The following THSD7B variants were observed in gnomAD, a reference collection of about 807,000 sequenced individuals.
The protein encoded by THSD7B is thrombospondin type 1 domain containing 7B, also known as thrombospondin type-1 domain-containing protein 7B.
A neutral mutation model predicts 213.6 loss-of-function variants in THSD7B; 138 were observed. The ratio of observed to expected loss-of-function variants is 0.65; its 90% CI spans 0.56 to 0.74. THSD7B has a LOEUF of 0.74. THSD7B is among the 30% of genes least tolerant of loss of function. THSD7B has a pLI of 0.00. For missense variants in THSD7B, 1,931 were observed against 1,991.5 expected, an observed-to-expected ratio of 0.97 and a Z score of 0.58; for synonymous variants, 742 against 687.0, an observed-to-expected ratio of 1.08 and a Z score of -1.25.
chr2:137,410,043 A>T (rs1417116966), intron 13 of THSD7B, among the ~76,000 whole-genome samples: 1 of 152,166 alleles, frequency 6.6e-6, no homozygotes, highest in African/African-American at 2.4e-5. Flanking sequence ...ACAATATTTT[A>T]TGGAAGTTTG....
intron 15 of THSD7B, among the ~76,000 whole-genome samples, chr2:137,483,682 A>G (rs1227871284): frequency 2.0e-5 from 3 of 152,192 alleles, no homozygotes; most frequent in Non-Finnish European, 2.9e-5. Context: ...TAAAAGTAAC[A>G]GTGGAGCTGA....
intron 12 of THSD7B, among the ~76,000 whole-genome samples, chr2:137,295,057 C>G (rs968295750): frequency 6.6e-6 from 1 of 151,920 alleles, no homozygotes; most frequent in Non-Finnish European, 1.5e-5. Flanking sequence ...TTTCTCCTTC[C>G]TCTCCCCCTG....
chr2:136,923,290 T>TA (rs200698049), intron 2 of THSD7B, among the ~76,000 whole-genome samples: 2,504 of 152,314 alleles, frequency 0.016, 35 homozygotes, highest in Middle Eastern at 0.02. Flanking sequence ...TCCTTCTTTT[T>TA]AAAGGCTGCA....
chr2:137,105,382 A>G (rs574680860), intron 4 of THSD7B, among the ~76,000 whole-genome samples: 1 of 152,298 alleles, frequency 6.6e-6, no homozygotes, highest in African/African-American at 2.4e-5. Context: ...AACTCAATAA[A>G]CTAGGTATTG....
chr2:136,786,623 C>T (rs1054804680), intron 1 of THSD7B, among the ~76,000 whole-genome samples: 1 of 152,164 alleles, frequency 6.6e-6, no homozygotes, highest in Non-Finnish European at 1.5e-5. Context: ...TTGGGCTTCA[C>T]TGGCCATTTT....
intron 12 of THSD7B, among the ~76,000 whole-genome samples, chr2:137,399,854 A>T (rs770353768): frequency 8.5e-5 from 13 of 152,114 alleles, no homozygotes; most frequent in Admixed American, 5.2e-4. Flanking sequence ...TTCAGTTTAC[A>T]TAGTTCCAAA....
At chr2:136,824,049 C>A (rs1426052007) in intron 1 of THSD7B, among the ~76,000 whole-genome samples, 1 of 152,090 alleles carries the variant, frequency 6.6e-6, no homozygotes, top group East Asian at 1.9e-4. Context: ...CAACAATGTA[C>A]TAAACTCAAT....
intron 15 of THSD7B, among the ~76,000 whole-genome samples, chr2:137,549,748 A>AT (rs1463699032): frequency 6.6e-6 from 1 of 151,970 alleles, no homozygotes; most frequent in Admixed American, 6.6e-5. Flanking sequence ...GAGTTTGACT[A>AT]TTTTAGATAC....
chr2:136,969,717 T>C (rs865849469), intron 2 of THSD7B, among the ~76,000 whole-genome samples: 1 of 152,184 alleles, frequency 6.6e-6, no homozygotes, highest in African/African-American at 2.4e-5. Context: ...AGATTTTCTT[T>C]ATAGAAACAG....
intron 7 of THSD7B, among the ~76,000 whole-genome samples, chr2:137,210,337 A>G (rs1170156440): frequency 6.6e-6 from 1 of 152,078 alleles, no homozygotes; most frequent in Admixed American, 6.6e-5. Context: ...GCAAGTAGAC[A>G]TACAATATTA....
chr2:137,400,237 T>TAGC (rs1447265441), intron 12 of THSD7B, among the ~76,000 whole-genome samples: 2 of 152,224 alleles, frequency 1.3e-5, no homozygotes, highest in African/African-American at 4.8e-5. Context: ...TCTTTTTAGC[T>TAGC]AGCATCTATT....
chr2:137,577,678 G>A (rs1445352392), intron 17 of THSD7B, among the ~76,000 whole-genome samples: 1 of 151,922 alleles, frequency 6.6e-6, no homozygotes, highest in Admixed American at 6.6e-5. Context: ...CTTACTAGCA[G>A]ACTAAGGCAT....
intron 15 of THSD7B, among the ~76,000 whole-genome samples, chr2:137,511,133 G>A (rs1258927947): frequency 6.6e-6 from 1 of 151,972 alleles, no homozygotes; most frequent in Non-Finnish European, 1.5e-5. Flanking sequence ...CTTTGGATTG[G>A]ATATTGATCT....
chr2:137,412,373 G>T (rs896013467), intron 14 of THSD7B, among the ~76,000 whole-genome samples: 8 of 151,962 alleles, frequency 5.3e-5, no homozygotes, highest in Admixed American at 1.3e-4. Context: ...GGCCGAGGCA[G>T]GCGGATCACC....
intron 7 of THSD7B, among the ~76,000 whole-genome samples, chr2:137,199,049 G>A (rs77450458): frequency 1.2e-3 from 184 of 152,220 alleles, no homozygotes; most frequent in African/African-American, 4.1e-3. Flanking sequence ...GAGCTGAACC[G>A]CACGGCACTC....
At chr2:137,314,882 G>A (rs539870661) in intron 12 of THSD7B, among the ~76,000 whole-genome samples, 46 of 152,308 alleles carry the variant, frequency 3.0e-4, no homozygotes, top group East Asian at 5.8e-4. Context: ...CTCCAGCTGC[G>A]TGCTGGGAGA....
chr2:137,632,744 C>T (rs1682764599), intron 20 of THSD7B, among the ~76,000 whole-genome samples: 1 of 152,184 alleles, frequency 6.6e-6, no homozygotes, highest in Admixed American at 6.5e-5. Flanking sequence ...TAATCTTCTG[C>T]CATAAAATAC....
chr2:137,336,065 A>G (rs1684632260), intron 12 of THSD7B, among the ~76,000 whole-genome samples: 1 of 152,166 alleles, frequency 6.6e-6, no homozygotes, highest in Non-Finnish European at 1.5e-5. Flanking sequence ...ATATGAGGTC[A>G]TTGATTAAGT....
intron 12 of THSD7B, among the ~76,000 whole-genome samples, 179 bp from the exon 13 acceptor site, chr2:137,405,434 A>G (rs909324898): frequency 1.3e-5 from 2 of 152,156 alleles, no homozygotes; most frequent in Non-Finnish European, 2.9e-5. Flanking sequence ...AATACCTCCA[A>G]TGACAACAAT....
Sources: allele counts gnomAD v4.1 joint callset (sites outside exome capture counted in the v4.1 genomes callset), GRCh38; gene constraint gnomAD v4.1.1; transcripts MANE v1.5; gene names NCBI Gene and HGNC (gene_info 2026-07-23, HGNC 2026-07-21).